Variants in KPNA1 observed in about 807,000 individuals in gnomAD.
The protein encoded by KPNA1 is importin subunit alpha-5.
In KPNA1, 10 loss-of-function variants were observed where a neutral mutation model predicts 70.5. That is an observed-to-expected ratio of 0.14 (90% confidence interval 0.09 to 0.24). The LOEUF (loss-of-function observed/expected upper bound fraction) is 0.24. Among genes scored for constraint, KPNA1 ranks in the 10% least tolerant of loss-of-function variants. The pLI, the probability that KPNA1 is intolerant of heterozygous loss-of-function variation, is 1.00. For missense variants in KPNA1, 397 were observed against 637.9 expected, an observed-to-expected ratio of 0.62 and a Z score of 4.07; for synonymous variants, 192 against 221.9, an observed-to-expected ratio of 0.87 and a Z score of 1.20.
intron 2 of KPNA1, among the ~76,000 whole-genome samples, chr3:122,493,974 C>CT (rs1277026092): frequency 3.3e-5 from 5 of 152,216 alleles, no homozygotes; most frequent in Admixed American, 3.3e-4. Flanking sequence ...TGAGAAGTAT[C>CT]TTTTCATGTC....
intron 11 of KPNA1, among the ~76,000 whole-genome samples, chr3:122,436,263 A>T (rs1000567032): frequency 3.3e-5 from 5 of 152,194 alleles, no homozygotes; most frequent in African/African-American, 9.7e-5. Context: ...TCCTGATAAG[A>T]TGTTATCGAT....
At chr3:122,454,082 T>C (rs2076240961) in intron 5 of KPNA1, 81 bp from the exon 6 acceptor site, 1 of 949,628 alleles carries the variant, frequency 1.1e-6, no homozygotes. Flanking sequence ...TTTCTGTACA[T>C]GAAAAAAAGA....
chr3:122,438,167 C>T (rs2076014139), intron 10 of KPNA1, among the ~76,000 whole-genome samples: 1 of 152,134 alleles, frequency 6.6e-6, no homozygotes, highest in Non-Finnish European at 1.5e-5. Context: ...GCGCCATCCC[C>T]ATGGTTCTGT....
chr3:122,502,906 C>T (rs1033009628), intron 1 of KPNA1, among the ~76,000 whole-genome samples: 5 of 151,840 alleles, frequency 3.3e-5, no homozygotes, highest in East Asian at 3.9e-4. Context: ...TCACTTGAGC[C>T]GAGTTTTGTA....
intron 2 of KPNA1, among the ~76,000 whole-genome samples, chr3:122,470,533 T>C (rs960458614): frequency 1.6e-4 from 24 of 150,220 alleles, no homozygotes; most frequent in African/African-American, 2.5e-4. Context: ...AACAAATAAA[T>C]AAATAAATAA....
In KPNA1 at chr3:122,435,781, A is replaced by G. The variant is rs561529719; in HGVS notation, c.1122+1389T>C. ...AATACTCTTATAATTTCCTATGCCT[A>G]TCTTTACTTTAATCTCTTAATCCCG... On this transcript the variant is annotated intron_variant, in intron 11 of 13. Coordinates refer to ENST00000344337, the MANE Select transcript of KPNA1 (RefSeq NM_002264.4). Among the ~76,000 whole-genome samples the G allele has an allele frequency of 3.9e-5, 6 of 152,340 alleles. No homozygotes were observed. In the East Asian group the frequency reaches 9.6e-4, roughly 24 times the overall value.
intron 1 of KPNA1, among the ~76,000 whole-genome samples, chr3:122,513,605 A>G (rs2076980436): frequency 6.6e-6 from 1 of 152,070 alleles, no homozygotes; most frequent in Non-Finnish European, 1.5e-5. Flanking sequence ...GGAGTTCCAG[A>G]TCAGCCCGGG....
At position 122,450,354 on chromosome 3, in the gene KPNA1, G is replaced by A. The variant is rs183685696; in HGVS notation, c.754-617C>T. On this transcript the variant is annotated intron_variant, in intron 8 of 13. Coordinates refer to ENST00000344337, the MANE Select transcript of KPNA1 (RefSeq NM_002264.4). ...CCCAGCACTTTGGGAGGCTGAGGTG[G>A]GTGGATCACCTGAGGTCTGGAGTTC... is the stretch of plus-strand genomic sequence containing the variant. 5.9e-5 allele frequency among the ~76,000 whole-genome samples: 9 copies of A among 152,302 alleles called. No individual in the cohort carries two copies. The East Asian group carries it at 1.4e-3, about 23-fold the overall frequency.
chr3:122,505,876 C>G (rs1372123373), intron 1 of KPNA1, among the ~76,000 whole-genome samples: 1 of 152,224 alleles, frequency 6.6e-6, no homozygotes, highest in African/African-American at 2.4e-5. Flanking sequence ...AGCTCTAAAC[C>G]AGCATTCTTA....
In KPNA1 at chr3:122,508,118, A is replaced by G. The variant is rs114516865; in HGVS notation, c.-6+6639T>C. 6.5e-3 allele frequency among the ~76,000 whole-genome samples: 987 copies of G among 152,334 alleles called. 6 individuals carry two copies. Among genetic ancestry groups the G allele is most frequent in the African/African-American group, 0.021 (889 of 41,562 alleles). On this transcript the variant is annotated intron_variant, in intron 1 of 13. Transcript: ENST00000344337. ...AATGGTAGACATGGTAGAATACTAA[A>G]ATTATAAAGAAATTTTTTTTTCAAA... is the stretch of plus-strand genomic sequence containing the variant.
At chr3:122,487,289 G>C (rs762334091) in intron 2 of KPNA1, among the ~76,000 whole-genome samples, 11 of 152,278 alleles carry the variant, frequency 7.2e-5, no homozygotes, top group Non-Finnish European at 1.5e-4. Flanking sequence ...CTTATCATTA[G>C]ACAAATGGAA....
intron 11 of KPNA1, among the ~76,000 whole-genome samples, chr3:122,436,391 C>T (rs369621235): frequency 1.3e-5 from 2 of 152,242 alleles, no homozygotes; most frequent in South Asian, 2.1e-4. Context: ...ACAACCTATT[C>T]GTACACTCCC....
intron 13 of KPNA1, 117 bp downstream of exon 13, chr3:122,427,421 T>C (rs1560012545): frequency 2.8e-6 from 3 of 1,069,170 alleles, no homozygotes; most frequent in East Asian, 2.4e-5. Flanking sequence ...GAAGCAGCAA[T>C]TTCCTAACAG....
chr3:122,501,421 T>C (rs542659656), intron 1 of KPNA1, among the ~76,000 whole-genome samples: 1 of 152,338 alleles, frequency 6.6e-6, no homozygotes, highest in Admixed American at 6.5e-5. Flanking sequence ...GTCTTCATTT[T>C]CATTTATCCC....
In KPNA1 at chr3:122,427,489, T is replaced by G. The variant is rs754615218; in HGVS notation, c.1429+49A>C. The G allele has an allele frequency of 5.2e-6, 8 of 1,551,394 alleles. No homozygotes were observed. The East Asian group carries it at 1.8e-4, about 35-fold the overall frequency. ...TATTGTTTTTACTGAACTCTATCTA[T>G]GACCCAATTCATTCTTGGCCATAAA... On this transcript the variant is annotated intron_variant, in intron 13 of 13. Transcript: ENST00000344337.
At chr3:122,465,530 C>T (rs890075689) in intron 3 of KPNA1, among the ~76,000 whole-genome samples, 1 of 152,210 alleles carries the variant, frequency 6.6e-6, no homozygotes, top group South Asian at 2.1e-4. Context: ...TGCTTTCACA[C>T]CACTGTAAAG....
chr3:122,439,487 G>A (rs2076035170), intron 10 of KPNA1, among the ~76,000 whole-genome samples: 1 of 150,784 alleles, frequency 6.6e-6, no homozygotes, highest in Non-Finnish European at 1.5e-5. Flanking sequence ...AGCATACCTG[G>A]CCATGATGAG....
At chr3:122,439,582 A>G (rs1178000955) in intron 10 of KPNA1, among the ~76,000 whole-genome samples, 1 of 152,204 alleles carries the variant, frequency 6.6e-6, no homozygotes, top group African/African-American at 2.4e-5. Flanking sequence ...ATTCCTTTGA[A>G]TCTTTCAAGT....
intron 2 of KPNA1, among the ~76,000 whole-genome samples, chr3:122,495,905 A>C (rs1209916669): frequency 4.6e-5 from 7 of 152,198 alleles, no homozygotes; most frequent in Non-Finnish European, 1.0e-4. Flanking sequence ...ATATTCTGTG[A>C]ATGAAATTTT....
Sources: gnomAD v4.1 joint callset for allele counts (sites outside exome capture counted in the v4.1 genomes callset) on GRCh38, gnomAD v4.1.1 for gene constraint, MANE v1.5 for transcripts, NCBI Gene and HGNC (gene_info 2026-07-23, HGNC 2026-07-21) for gene names.